The following DLG5 variants were observed in gnomAD, a reference collection of about 807,000 sequenced individuals.
DLG5 encodes disks large homolog 5.
A neutral mutation model predicts 189.8 loss-of-function variants in DLG5; 48 were observed. That is an observed-to-expected ratio of 0.25 (90% CI 0.20 to 0.32). The LOEUF is 0.32. Ranked by LOEUF, DLG5 falls within the 10% of genes least tolerant of loss-of-function variation. DLG5 has a pLI of 1.00. For missense variants in DLG5, 2,160 were observed against 2,544.7 expected (o/e 0.85, Z 3.25); for synonymous variants, 1,016 against 1,054.1 (o/e 0.96, Z 0.70).
intron 19 of DLG5, 131 bp downstream of exon 19, chr10:77,816,876 T>G (rs1842082570): frequency 1.5e-6 from 2 of 1,365,918 alleles, no homozygotes; most frequent in African/African-American, 1.4e-5. Flanking sequence ...CCAGGCCTAC[T>G]GCTGGGCTCA....
In DLG5 at chr10:77,821,714, C is replaced by T; in HGVS notation, c.2770G>A (p.Gly924Ser). 1 of 1,611,594 alleles carries T rather than the reference C, an allele frequency of 6.2e-7. No individual in the cohort carries two copies. The highest frequency in any genetic ancestry group is 1.1e-5 in the South Asian group (1 of 91,000). ...RPLLPFETEV[G>S]PCGVGEASLD... The stretch of plus-strand genomic sequence containing the variant: ...GAGGCCTCCCCAACCCCACAGGGGC[C>T]CACCTCGGTCTCAAAGGGCAGCAGT... Residue 924 changes from glycine to serine, a missense_variant, in exon 15 of 32, where the codon GGC (glycine) becomes AGC (serine). By Grantham distance (56) the Gly-to-Ser change is moderately conservative. This residue lies in a region of DLG5 where 754 missense variants were observed against 746.5 expected (regional missense o/e 1.01). Transcript: ENST00000372391.
intron 5 of DLG5, among the ~76,000 whole-genome samples, chr10:77,852,885 G>A (rs527497909): frequency 6.6e-6 from 1 of 152,314 alleles, no homozygotes; most frequent in South Asian, 2.1e-4. Context: ...ATATGTGCCT[G>A]TGTGTATGTG....
chr10:77,889,098 G>C (rs1187939315), intron 1 of DLG5, among the ~76,000 whole-genome samples: 3 of 139,712 alleles, frequency 2.1e-5, no homozygotes, highest in Admixed American at 7.1e-5. Flanking sequence ...AACCTCCCAG[G>C]CCTCACAAGC....
At chr10:77,807,053 G>T (rs1277424356) in intron 25 of DLG5, 125 bp from the exon 26 acceptor site, 9 of 1,061,330 alleles carry the variant, frequency 8.5e-6, no homozygotes, top group Non-Finnish European at 1.2e-5. Context: ...ACTTGATCAG[G>T]AATCGCCGAG....
At chr10:77,896,512 T>C (rs977010373) in intron 1 of DLG5, among the ~76,000 whole-genome samples, 7 of 152,096 alleles carry the variant, frequency 4.6e-5, no homozygotes, top group African/African-American at 1.7e-4. Context: ...GAAAACAAGT[T>C]TTATATGGAT....
chr10:77,820,066 C>A, intron 15 of DLG5, 48 bp from the exon 16 acceptor site: 1 of 1,606,474 alleles, frequency 6.2e-7, no homozygotes. Context: ...TGGAGTGTGG[C>A]CAGGCGCAGT....
chr10:77,824,679 G>A, intron 13 of DLG5: 1 of 543,282 alleles, frequency 1.8e-6, no homozygotes, highest in South Asian at 2.6e-5. Flanking sequence ...GAACACATAA[G>A]CCTTCACAGC....
chr10:77,841,790 G>A (rs1843428245), intron 7 of DLG5, 91 bp downstream of exon 7: 1 of 1,441,348 alleles, frequency 6.9e-7, no homozygotes. Flanking sequence ...AACTCAGGAG[G>A]CTTCTAATCC....
chr10:77,837,311 A>C (rs182381634), intron 7 of DLG5, among the ~76,000 whole-genome samples: 27 of 151,836 alleles, frequency 1.8e-4, no homozygotes, highest in Admixed American at 9.9e-4. Flanking sequence ...TTGCTGTTTT[A>C]CAATATATTT....
In DLG5 at chr10:77,812,335, G is replaced by A. The variant is rs2093044503; in HGVS notation, c.4068C>T (p.Gly1356=). The A allele has an allele frequency of 1.2e-6, 2 of 1,614,062 alleles. No homozygotes were observed. The highest frequency in any genetic ancestry group is 2.7e-5 in the African/African-American group (2 of 74,942). The part of the protein sequence containing the change: ...EEPRHVKVQK[G]SEPLGISIVS... ...CGATGGAGATGCCCAGCGGCTCTGAGCCCTTCTGCACCTTCACGTGGCGTG... is the reference window on the plus strand; with the variant it reads ...CGATGGAGATGCCCAGCGGCTCTGAACCCTTCTGCACCTTCACGTGGCGTG... The change falls in exon 21 of 32, where the codon GGC becomes GGT. Residue 1356 remains glycine, a synonymous_variant. Transcript: ENST00000372391.
chr10:77,905,276 CA>C (rs1412854930), intron 1 of DLG5, among the ~76,000 whole-genome samples: 4 of 152,274 alleles, frequency 2.6e-5, no homozygotes, highest in African/African-American at 7.2e-5. Flanking sequence ...GCTGGGATTA[CA>C]GGCATGAGTC....
intron 27 of DLG5, among the ~76,000 whole-genome samples, chr10:77,798,779 G>A (rs1841056131): frequency 6.6e-6 from 1 of 152,052 alleles, no homozygotes; most frequent in African/African-American, 2.4e-5. Context: ...CCATTTACTA[G>A]TATAAGAATC....
chr10:77,881,129 T>C (rs1248645), intron 1 of DLG5, among the ~76,000 whole-genome samples: 39,060 of 151,876 alleles, frequency 0.26, 5,603 homozygotes, highest in Admixed American at 0.39. Context: ...TGTGCCTCTG[T>C]GCCTGGCTAA....
intron 9 of DLG5, among the ~76,000 whole-genome samples, chr10:77,832,761 T>C (rs1161693953): frequency 2.0e-5 from 3 of 152,154 alleles, no homozygotes; most frequent in African/African-American, 4.8e-5. Context: ...AAATGTCCCA[T>C]GTTCACGGCC....
chr10:77,933,740 T>G, the DLG5 span, among the ~76,000 whole-genome samples: 1 of 146,556 alleles, frequency 6.8e-6, no homozygotes, highest in African/African-American at 2.5e-5. Context: ...AAAAATTGCG[T>G]TTCTTTTCTA....
chr10:77,882,437 A>G (rs1012770662), intron 1 of DLG5, among the ~76,000 whole-genome samples: 1 of 152,136 alleles, frequency 6.6e-6, no homozygotes, highest in Admixed American at 6.6e-5. Flanking sequence ...TCACCTCCTC[A>G]GGAGGCTCAG....
chr10:77,812,484 G>A (rs753304994), intron 20 of DLG5, 107 bp from the exon 21 acceptor site: 11 of 1,290,208 alleles, frequency 8.5e-6, no homozygotes, highest in Middle Eastern at 2.0e-4. Context: ...AAAGGGCCCC[G>A]AGCCTGGATG....
chr10:77,827,756 A>T (rs1842710665), intron 13 of DLG5, among the ~76,000 whole-genome samples: 1 of 152,090 alleles, frequency 6.6e-6, no homozygotes, highest in South Asian at 2.1e-4. Flanking sequence ...ACAACAGAAT[A>T]CCATAAGGTG....
In DLG5 at chr10:77,926,526, C is replaced by A; in HGVS notation, c.-6G>T. Reference sequence around the variant, plus strand: ...TCCCGGCGCTGGGGCTCCATGGTGGCGGGCCGCGCCGCCCCGCCCCGCCGG... The same window carrying A: ...TCCCGGCGCTGGGGCTCCATGGTGGAGGGCCGCGCCGCCCCGCCCCGCCGG... On this transcript the variant is annotated 5_prime_UTR_variant, in exon 1 of 32. Transcript: ENST00000372391. This position sits in a 1 kb window ranked among gnomAD's most constrained non-coding sequence, Gnocchi z 5.2. 5.5e-6 allele frequency: 7 copies of A among 1,273,804 alleles called. No individual in the cohort carries two copies. The highest frequency in any genetic ancestry group is 1.5e-5 in the African/African-American group (1 of 64,948). The allele number at this position is 1,273,804 out of a possible 1,614,324, so 78.9% of individuals were successfully genotyped here. A position where few individuals can be genotyped will look rare whatever the true frequency, so the allele number is the denominator to read the frequency against.
Sources: gnomAD v4.1 joint callset for allele counts (sites outside exome capture counted in the v4.1 genomes callset) on GRCh38, gnomAD v4.1.1 for gene constraint, gnomAD v4.1.1 regional missense constraint, Gnocchi (gnomAD v3.1) non-coding constraint, MANE v1.5 for transcripts, NCBI Gene and HGNC (gene_info 2026-07-23, HGNC 2026-07-21) for gene names.